Variants in PHIP observed in about 807,000 individuals in gnomAD.
PHIP encodes the protein PHIP subunit of CUL4-Ring ligase complex, also known as PH-interacting protein.
A neutral mutation model predicts 236.8 loss-of-function variants in PHIP; 54 were observed. That is an observed-to-expected ratio of 0.23 (90% CI 0.18 to 0.29). PHIP has a LOEUF of 0.29. PHIP is among the 10% of genes least tolerant of loss of function. PHIP has a pLI of 1.00. For synonymous variants in PHIP, 756 were observed against 718.9 expected, an observed-to-expected ratio of 1.05 and a Z score of -0.83; for missense variants, 1,370 against 2,190.8, an observed-to-expected ratio of 0.63 and a Z score of 7.48.
chr6:78,973,076 C>T (rs1394056027), intron 24 of PHIP, among the ~76,000 whole-genome samples: 1 of 152,040 alleles, frequency 6.6e-6, no homozygotes, highest in Non-Finnish European at 1.5e-5. Flanking sequence ...ACATAATTGT[C>T]AGATTCACCA....
At chr6:78,958,719 T>C (rs1378896156) in intron 31 of PHIP, 119 bp from the exon 32 acceptor site, 2 of 680,390 alleles carry the variant, frequency 2.9e-6, no homozygotes, top group Admixed American at 2.7e-5. Context: ...TAAAAACCAT[T>C]GGTCTTATAA....
chr6:79,056,553 G>A (rs1233883273), intron 6 of PHIP, among the ~76,000 whole-genome samples: 1 of 152,094 alleles, frequency 6.6e-6, no homozygotes, highest in East Asian at 1.9e-4. Context: ...GGAGATATTT[G>A]GCAATGTCTG....
chr6:79,029,053 G>C (rs929075127), intron 7 of PHIP, among the ~76,000 whole-genome samples: 10 of 152,118 alleles, frequency 6.6e-5, no homozygotes, highest in African/African-American at 2.4e-4. Flanking sequence ...AGTATTGCTT[G>C]ATTAAATTTG....
intron 27 of PHIP, among the ~76,000 whole-genome samples, chr6:78,968,629 T>C (rs1045305541): frequency 2.0e-5 from 3 of 152,250 alleles, no homozygotes; most frequent in Non-Finnish European, 1.5e-5. Flanking sequence ...ATGTGTATTA[T>C]ATTTAATCCA....
rs778338346 is a variant in PHIP, at chr6:78,982,946, A to T, written c.2709T>A (p.Asn903Lys). Residue 903 changes from asparagine to lysine, a missense_variant, in exon 23 of 40, where the codon AAT becomes AAA. Around this residue, in one of 14 missense-constraint regions of PHIP, gnomAD observed 76 missense variants for 76.4 expected, o/e 0.99. Coordinates refer to ENST00000275034, the MANE Select transcript of PHIP (RefSeq NM_017934.7). ...KQIKKEKKKV[N>K]EEKDGPISPK... is the part of the protein sequence containing the mutation. ...GTGATATTGGTCCATCTTTTTCTTC[A>T]TTTACTTTTTTCTTTTCCTTTTTAA... 2.9e-5 allele frequency: 46 copies of T among 1,600,630 alleles called. No individual in the cohort carries two copies. The Admixed American group carries it at 7.4e-4, about 26-fold the overall frequency.
At chr6:79,062,551 CTTA>C (rs1446140993) in intron 4 of PHIP, among the ~76,000 whole-genome samples, 1 of 152,132 alleles carries the variant, frequency 6.6e-6, no homozygotes, top group East Asian at 1.9e-4. Flanking sequence ...AAGTTCATTA[CTTA>C]TTAACTTCAG....
At chr6:79,029,121 A>T (rs905466119) in intron 7 of PHIP, among the ~76,000 whole-genome samples, 1 of 152,192 alleles carries the variant, frequency 6.6e-6, no homozygotes, top group African/African-American at 2.4e-5. Flanking sequence ...CTCTGAGTGC[A>T]TATTATCTCA....
At chr6:78,972,646 T>G (rs1405872241) in intron 24 of PHIP, among the ~76,000 whole-genome samples, 1 of 152,168 alleles carries the variant, frequency 6.6e-6, no homozygotes, top group South Asian at 2.1e-4. Flanking sequence ...TTTAGAAGAA[T>G]GTGTAACTAG....
intron 23 of PHIP, 31 bp downstream of exon 23, chr6:78,982,855 A>G (rs945600007): frequency 2.2e-6 from 3 of 1,376,402 alleles, no homozygotes; most frequent in Non-Finnish European, 3.0e-6. Flanking sequence ...TTCTCTAGAA[A>G]ACACCAAATT....
rs895591559 is a variant in PHIP at position 78,938,558 on chromosome 6, A to C, written c.*2135T>G. On this transcript the variant is annotated 3_prime_UTR_variant, in exon 40 of 40. Coordinates refer to ENST00000275034, the MANE Select transcript of PHIP (RefSeq NM_017934.7). Reference sequence around the variant, plus strand: ...TTCAAAAGCAACTAATTAATGACAAATTTCAAACATACACTATTATTTTCA... The same window carrying C: ...TTCAAAAGCAACTAATTAATGACAACTTTCAAACATACACTATTATTTTCA... 1.3e-5 allele frequency: 2 copies of C among 151,656 alleles called. No homozygotes were observed. Among genetic ancestry groups the C allele is most frequent in the African/African-American group, 4.8e-5 (2 of 41,420 alleles). The allele number at this position is 151,656 out of a possible 1,614,324, so 9.4% of individuals were successfully genotyped here.
chr6:79,036,527 AT>A (rs1332346618), intron 7 of PHIP, among the ~76,000 whole-genome samples: 3 of 152,196 alleles, frequency 2.0e-5, no homozygotes, highest in African/African-American at 7.2e-5. Context: ...AACAGTACAA[AT>A]GTTTCCCATA....
At chr6:79,014,989 T>A in intron 15 of PHIP, 93 bp downstream of exon 15, 1 of 1,024,024 alleles carries the variant, frequency 9.8e-7, no homozygotes, top group Non-Finnish European at 1.4e-6. Flanking sequence ...ATGAACCAAT[T>A]TTTAAATGGA....
At position 78,945,443 on chromosome 6, in the gene PHIP, C is replaced by T. The variant is rs760510363; in HGVS notation, c.4685G>A (p.Gly1562Asp). 12 of 1,610,992 alleles carry T rather than the reference C, an allele frequency of 7.4e-6. No individual in the cohort carries two copies. The South Asian group carries it at 1.2e-4, about 16-fold the overall frequency. Residue 1562 changes from glycine to aspartate, a missense_variant, in exon 39 of 40, where the codon GGT (glycine) becomes GAT (aspartate). By Grantham distance (94) the Gly-to-Asp change is moderately conservative. This residue lies in a region of PHIP where 309 missense variants were observed against 328.3 expected (regional missense o/e 0.94). Coordinates refer to ENST00000275034, the MANE Select transcript of PHIP (RefSeq NM_017934.7). ...AGTGCCATGACTAAAACTGGATTGA[C>T]CAGGACTGGAAAGAGTATTCAAAGC... ...SKALNTLSSP[G>D]QSSFSHGTRN...
At chr6:79,015,315 G>A (rs1770784838) in intron 14 of PHIP, 99 bp from the exon 15 acceptor site, 1 of 984,694 alleles carries the variant, frequency 1.0e-6, no homozygotes, top group Non-Finnish European at 1.5e-6. Flanking sequence ...TAGAAATGGA[G>A]TTTTAAGAAG....
Position 78,963,291 on chromosome 6 carries a change from C to T in PHIP, c.3380-39G>A, listed in dbSNP as rs1457017271. 1.0e-4 allele frequency: 157 copies of T among 1,520,108 alleles called. 1 individual carries two copies. The highest frequency in any genetic ancestry group is 1.4e-4 in the Non-Finnish European group (152 of 1,119,144). 94.2% of individuals were successfully genotyped at this position (1,520,108 alleles called of 1,614,324 possible). A position where few individuals can be genotyped will look rare whatever the true frequency, so the allele number is the denominator to read the frequency against. On this transcript the variant is annotated intron_variant, in intron 29 of 39. Transcript: ENST00000275034. ...GCAGATCATTGCAAATACATGGTAA[C>T]TTATTAGTATTCAGGTTAGCTTTAG... is the stretch of plus-strand genomic sequence containing the variant.
At chr6:78,974,744 C>T (rs1767916160) in intron 24 of PHIP, among the ~76,000 whole-genome samples, 1 of 152,072 alleles carries the variant, frequency 6.6e-6, no homozygotes, top group African/African-American at 2.4e-5. Flanking sequence ...ACTACAAACA[C>T]TTCTACGCAA....
At chr6:79,014,712 G>A (rs9361480) in intron 15 of PHIP, among the ~76,000 whole-genome samples, 68,577 of 151,326 alleles carry the variant, frequency 0.45, 16,108 homozygotes, top group East Asian at 0.69. Flanking sequence ...AAATTCTATT[G>A]TGCTAGAAGA....
At chr6:78,946,299 C>G in intron 37 of PHIP, 39 bp from the exon 38 acceptor site, 2 of 1,553,122 alleles carry the variant, frequency 1.3e-6, no homozygotes, top group Non-Finnish European at 1.7e-6. Flanking sequence ...TCTTATAGCT[C>G]TATGTGAACG....
intron 39 of PHIP, among the ~76,000 whole-genome samples, chr6:78,944,709 G>T (rs946493196): frequency 6.6e-6 from 1 of 152,318 alleles, no homozygotes; most frequent in Non-Finnish European, 1.5e-5. Context: ...AGACAACAAT[G>T]AAGAAATGTC....
Sources: allele counts gnomAD v4.1 joint callset (sites outside exome capture counted in the v4.1 genomes callset), GRCh38; gene constraint gnomAD v4.1.1; regional missense constraint gnomAD v4.1.1; transcripts MANE v1.5; gene names NCBI Gene and HGNC (gene_info 2026-07-23, HGNC 2026-07-21).